ELF5: variants seen among roughly 807,000 people sequenced by gnomAD.
ELF5 encodes the protein ETS-related transcription factor Elf-5.
ELF5 carries 31 observed loss-of-function variants against 38.2 expected under a neutral mutation model. The ratio of observed to expected loss-of-function variants is 0.81; its 90% CI spans 0.61 to 1.10. The LOEUF (loss-of-function observed/expected upper bound fraction) is 1.10, where lower values mean the gene tolerates loss of function less well. Ranked by LOEUF, ELF5 falls within the 50% of genes least tolerant of loss-of-function variation. ELF5 has a pLI of 0.00. For synonymous variants in ELF5, 121 were observed against 112.5 expected, an observed-to-expected ratio of 1.08 and a Z score of -0.48; for missense variants, 300 against 306.6, an observed-to-expected ratio of 0.98 and a Z score of 0.16.
chr11:34,505,739 G>A lies in ELF5; in HGVS notation c.11C>T (p.Ser4Leu), dbSNP rs1027576875. 3.7e-6 allele frequency: 6 copies of A among 1,613,560 alleles called. No homozygotes were observed. The highest frequency in any genetic ancestry group is 5.1e-6 in the Non-Finnish European group (6 of 1,179,780). Residue 4 changes from serine to leucine, a missense_variant, in exon 2 of 7, where the codon TCG (serine) becomes TTG (leucine). Ser to Leu is a moderately radical substitution (Grantham distance 145, BLOSUM62 -2). Coordinates refer to ENST00000257832, the MANE Select transcript of ELF5 (RefSeq NM_001422.4). ...AGGCAGGAAGGTGCTGTGTGTCACC[G>A]AGTCCAACATTACCCTGCAACAGCA... The part of the protein sequence containing the change: MLD[S>L]VTHSTFLPNA...
chr11:34,490,894 G>T (rs570701233), intron 3 of ELF5, among the ~76,000 whole-genome samples: 1 of 152,272 alleles, frequency 6.6e-6, no homozygotes, highest in Admixed American at 6.5e-5. Flanking sequence ...CTGAGAACAG[G>T]ATGGGAGATT....
intron 2 of ELF5, among the ~76,000 whole-genome samples, chr11:34,494,422 A>G (rs921415614): frequency 1.3e-5 from 2 of 152,200 alleles, no homozygotes; most frequent in African/African-American, 4.8e-5. Flanking sequence ...TTGCGTCACC[A>G]TAGTAGGCAC....
chr11:34,512,152 G>A (rs2133909190), intron 1 of ELF5, among the ~76,000 whole-genome samples: 1 of 152,302 alleles, frequency 6.6e-6, no homozygotes, highest in East Asian at 1.9e-4. Flanking sequence ...CCACTGAGGA[G>A]AACCCAGTGG....
At chr11:34,503,816 C>T (rs1850537718) in intron 2 of ELF5, among the ~76,000 whole-genome samples, 1 of 152,198 alleles carries the variant, frequency 6.6e-6, no homozygotes. Context: ...CTAAACACTT[C>T]CCATATGATA....
At chr11:34,508,572 T>C (rs1227412461) in intron 1 of ELF5, among the ~76,000 whole-genome samples, 1 of 151,870 alleles carries the variant, frequency 6.6e-6, no homozygotes, top group African/African-American at 2.4e-5. Flanking sequence ...ACATTTTAAG[T>C]GGTTATATAA....
intron 2 of ELF5, among the ~76,000 whole-genome samples, chr11:34,499,698 T>G (rs1850409118): frequency 6.6e-6 from 1 of 152,234 alleles, no homozygotes; most frequent in African/African-American, 2.4e-5. Flanking sequence ...AGAAAGTTTG[T>G]GAAGCTAGAT....
Position 34,479,964 on chromosome 11 carries a change from T to G in ELF5, c.*254A>C. ...ATTCCACAACTCTAGGAAAATAAAGTTTGATCAAGACACCACAAAAGATCA... is the reference window on the plus strand; with the variant it reads ...ATTCCACAACTCTAGGAAAATAAAGGTTGATCAAGACACCACAAAAGATCA... On this transcript the variant is annotated 3_prime_UTR_variant, in exon 7 of 7. Coordinates refer to ENST00000257832, the MANE Select transcript of ELF5 (RefSeq NM_001422.4). The G allele has an allele frequency of 8.9e-6, 4 of 449,382 alleles. No homozygotes were observed. The highest frequency in any genetic ancestry group is 1.6e-5 in the Non-Finnish European group (4 of 252,708). 27.8% of individuals were successfully genotyped at this position (449,382 alleles called of 1,614,324 possible). A position where few individuals can be genotyped will look rare whatever the true frequency, so the allele number is the denominator to read the frequency against.
chr11:34,495,007 C>T (rs945495765), intron 2 of ELF5, among the ~76,000 whole-genome samples: 9 of 152,154 alleles, frequency 5.9e-5, no homozygotes, highest in African/African-American at 1.7e-4. Context: ...AGGTTTGGTC[C>T]CCCGTCCCCC....
chr11:34,505,770 G>A lies in ELF5; in HGVS notation c.-4-17C>T, dbSNP rs759287253. 2.5e-6 allele frequency: 4 copies of A among 1,610,960 alleles called. No individual in the cohort carries two copies. In the Admixed American group the frequency reaches 6.7e-5, roughly 27 times the overall value. ...AACATTACCCTGCAACAGCAGGAGA[G>A]GTCGTGAGGAGGCTGGGGTGAGGTA... On this transcript the variant is annotated splice_polypyrimidine_tract_variant and intron_variant, in intron 1 of 6. Transcript: ENST00000257832.
intron 5 of ELF5, 122 bp downstream of exon 5, chr11:34,482,309 A>G (rs1402105322): frequency 2.3e-6 from 2 of 863,032 alleles, no homozygotes; most frequent in South Asian, 1.5e-5. Context: ...TTTCTTTACT[A>G]CCTTCCTTGG....
intron 1 of ELF5, among the ~76,000 whole-genome samples, chr11:34,506,546 G>T (rs945984621): frequency 2.0e-5 from 3 of 152,126 alleles, no homozygotes; most frequent in Admixed American, 6.5e-5. Context: ...ATGTAATCCT[G>T]CTCTGTCGCC....
intron 2 of ELF5, among the ~76,000 whole-genome samples, chr11:34,494,365 T>C (rs1850262622): frequency 6.6e-6 from 1 of 152,212 alleles, no homozygotes; most frequent in African/African-American, 2.4e-5. Context: ...GGCAATCTTG[T>C]GCCAAGAACC....
chr11:34,483,445 T>A (rs980213971), intron 4 of ELF5, among the ~76,000 whole-genome samples: 3 of 151,956 alleles, frequency 2.0e-5, no homozygotes, highest in Admixed American at 6.6e-5. Context: ...GTGCTCAGTA[T>A]CATCGAGCAG....
At chr11:34,500,187 G>C (rs568769980) in intron 2 of ELF5, among the ~76,000 whole-genome samples, 1 of 152,316 alleles carries the variant, frequency 6.6e-6, no homozygotes, top group South Asian at 2.1e-4. Flanking sequence ...GTCTGGGTCA[G>C]AGGAGGCCCG....
intron 4 of ELF5, among the ~76,000 whole-genome samples, chr11:34,485,307 T>G (rs1849961505): frequency 6.6e-6 from 1 of 152,258 alleles, no homozygotes; most frequent in Non-Finnish European, 1.5e-5. Context: ...AATGAACCAT[T>G]ATTAGCTAAG....
At chr11:34,492,445 G>C (rs1850202170) in intron 3 of ELF5, 1 of 152,206 alleles carries the variant, frequency 6.6e-6, no homozygotes, top group African/African-American at 2.4e-5. Context: ...ATCTCCAGTG[G>C]TGGGGATCGT....
chr11:34,480,894 C>T lies in ELF5; in HGVS notation c.549G>A (p.Leu183=), dbSNP rs1411106552. Residue 183 remains leucine, a synonymous_variant, in exon 6 of 7, where the codon CTG becomes CTA. Coordinates refer to ENST00000257832, the MANE Select transcript of ELF5 (RefSeq NM_001422.4). The stretch of plus-strand genomic sequence containing the variant: ...TTCCTTGTTCCCTATCTTCCCATTC[C>T]AGAATGCCACAGTTTTCTTCAGGAG... ...LLSPEENCGI[L]EWEDREQGIF... is the part of the protein sequence containing the mutation. The T allele has an allele frequency of 1.1e-5, 17 of 1,613,978 alleles. No homozygotes were observed. Among genetic ancestry groups the T allele is most frequent in the Non-Finnish European group, 1.4e-5 (16 of 1,180,024 alleles).
intron 1 of ELF5, among the ~76,000 whole-genome samples, chr11:34,506,312 A>G (rs1391850439): frequency 1.3e-5 from 2 of 152,078 alleles, no homozygotes; most frequent in Non-Finnish European, 2.9e-5. Context: ...AAAGGTGGGG[A>G]CAATAGACAC....
At chr11:34,481,645 AACTGTCTGGGTGG>A (rs1564972819) in intron 5 of ELF5, among the ~76,000 whole-genome samples, 1 of 152,128 alleles carries the variant, frequency 6.6e-6, no homozygotes, top group Non-Finnish European at 1.5e-5. Context: ...CCACAGCCAC[AACTGTCTGGGTGG>A]ACTGATCCTG....
Sources: gnomAD v4.1 joint callset for allele counts (sites outside exome capture counted in the v4.1 genomes callset) on GRCh38, gnomAD v4.1.1 for gene constraint, MANE v1.5 for transcripts, NCBI Gene and HGNC (gene_info 2026-07-23, HGNC 2026-07-21) for gene names.